DNAAF11: variants seen among roughly 807,000 people sequenced by gnomAD.
DNAAF11 encodes the protein dynein axonemal assembly factor 11, also known as leucine rich repeat containing 6.
DNAAF11 carries 45 observed loss-of-function variants against 60.8 expected under a neutral mutation model. That is an observed-to-expected ratio of 0.74 (90% confidence interval 0.58 to 0.95). The LOEUF (loss-of-function observed/expected upper bound fraction) is 0.95. Among genes scored for constraint, DNAAF11 ranks in the 40% least tolerant of loss-of-function variants. The pLI, the probability that DNAAF11 is intolerant of heterozygous loss-of-function variation, is 0.00. For missense variants in DNAAF11, 546 were observed against 546.2 expected (o/e 1.00, Z 0.00); for synonymous variants, 191 against 183.5 (o/e 1.04, Z -0.33).
chr8:132,581,093 C>A (rs963646021), intron 11 of DNAAF11, among the ~76,000 whole-genome samples: 17 of 152,058 alleles, frequency 1.1e-4, no homozygotes, highest in Non-Finnish European at 2.4e-4. Context: ...CAGTAGGGTG[C>A]CCACAATGGG....
At chr8:132,591,163 C>G (rs1031368514) in intron 10 of DNAAF11, among the ~76,000 whole-genome samples, 1 of 151,956 alleles carries the variant, frequency 6.6e-6, no homozygotes, top group African/African-American at 2.4e-5. Context: ...TAATTTTATT[C>G]CCAAAAAGAT....
At chr8:132,603,271 T>C (rs1175711626) in intron 10 of DNAAF11, among the ~76,000 whole-genome samples, 5 of 152,140 alleles carry the variant, frequency 3.3e-5, no homozygotes, top group Admixed American at 2.0e-4. Context: ...TATGAGAAGA[T>C]GGTAGTATGT....
intron 5 of DNAAF11, among the ~76,000 whole-genome samples, chr8:132,631,597 T>C (rs575209913): frequency 3.3e-4 from 50 of 152,196 alleles, no homozygotes; most frequent in Middle Eastern, 3.4e-3. Flanking sequence ...AAAATATGGA[T>C]GGGATCAACA....
intron 4 of DNAAF11, among the ~76,000 whole-genome samples, chr8:132,633,745 A>G (rs13273800): frequency 0.072 from 10,891 of 152,216 alleles, 465 homozygotes; most frequent in Non-Finnish European, 0.084. Context: ...TAAGTAAAAG[A>G]GAAAGACATG....
At chr8:132,617,256 A>G (rs934184055) in intron 7 of DNAAF11, among the ~76,000 whole-genome samples, 3 of 152,186 alleles carry the variant, frequency 2.0e-5, no homozygotes, top group Admixed American at 1.3e-4. Flanking sequence ...GCGAATGTGA[A>G]AAGGGAAGAC....
chr8:132,698,902 G>A, the DNAAF11 span, among the ~76,000 whole-genome samples: 2 of 147,442 alleles, frequency 1.4e-5, no homozygotes, highest in Admixed American at 1.3e-4. Context: ...TGAACATGGC[G>A]AACGCTGTTT....
At chr8:132,671,820 A>C (rs1586754178) in intron 1 of DNAAF11, among the ~76,000 whole-genome samples, 4 of 152,120 alleles carry the variant, frequency 2.6e-5, no homozygotes, top group East Asian at 1.9e-4. Context: ...TAAAAAAAAA[A>C]ACACACACAA....
intron 7 of DNAAF11, among the ~76,000 whole-genome samples, chr8:132,621,056 G>A (rs1000070609): frequency 2.0e-5 from 3 of 152,174 alleles, no homozygotes; most frequent in Admixed American, 6.5e-5. Flanking sequence ...CTGGGGTTGA[G>A]GGTTGACCAG....
chr8:132,629,203 T>C lies in DNAAF11; in HGVS notation c.653+3537A>G, dbSNP rs111421202. Among the ~76,000 whole-genome samples the C allele has an allele frequency of 3.7e-3, 558 of 152,246 alleles. 3 individuals carry two copies. Among genetic ancestry groups the C allele is most frequent in the African/African-American group, 0.013 (525 of 41,554 alleles). On this transcript the variant is annotated intron_variant, in intron 5 of 11. Coordinates refer to ENST00000620350, the MANE Select transcript of DNAAF11 (RefSeq NM_012472.6). ...TATAATGCATGTGATGATAAAAGCT[T>C]TTCATCAACTGAGAATAGAAGGAAG... is the stretch of plus-strand genomic sequence containing the variant.
the DNAAF11 span, among the ~76,000 whole-genome samples, chr8:132,688,505 A>G: frequency 1.3e-5 from 2 of 152,184 alleles, no homozygotes; most frequent in Admixed American, 6.6e-5. Flanking sequence ...TAATGACAGT[A>G]TTTGGTTCAC....
intron 11 of DNAAF11, among the ~76,000 whole-genome samples, chr8:132,581,522 C>T (rs1815324670): frequency 6.6e-6 from 1 of 151,850 alleles, no homozygotes; most frequent in African/African-American, 2.4e-5. Flanking sequence ...TGGTGGCAGG[C>T]ACCAGTAGTC....
intron 8 of DNAAF11, 68 bp downstream of exon 8, chr8:132,614,970 A>G: frequency 1.9e-6 from 2 of 1,045,044 alleles, no homozygotes; most frequent in Non-Finnish European, 2.9e-6. Context: ...TTTTCAAACT[A>G]AAAAATTACT....
rs772224728 is a variant in DNAAF11 at position 132,615,149 on chromosome 8, T to C, written c.915-52A>G. ...AAAGAGATGTCTTTAGGATACTGTATAGAAAACCCCATCATAAATTCATAA... is the reference window on the plus strand; with the variant it reads ...AAAGAGATGTCTTTAGGATACTGTACAGAAAACCCCATCATAAATTCATAA... On this transcript the variant is annotated intron_variant, in intron 7 of 11. Transcript: ENST00000620350. The C allele has an allele frequency of 7.7e-6, 8 of 1,037,542 alleles. No homozygotes were observed. The East Asian group carries it at 9.6e-5, about 12-fold the overall frequency. 64.3% of individuals were successfully genotyped at this position (1,037,542 alleles called of 1,614,324 possible).
At chr8:132,642,303 T>C (rs955641979) in intron 3 of DNAAF11, among the ~76,000 whole-genome samples, 1 of 152,248 alleles carries the variant, frequency 6.6e-6, no homozygotes, top group Non-Finnish European at 1.5e-5. Flanking sequence ...ATATCACAAT[T>C]ACTATCTTTA....
intron 10 of DNAAF11, among the ~76,000 whole-genome samples, chr8:132,586,509 T>G (rs1415306509): frequency 6.6e-6 from 1 of 152,214 alleles, no homozygotes; most frequent in Admixed American, 6.5e-5. Context: ...CCGGGATTCT[T>G]CTTCAGGTGT....
intron 4 of DNAAF11, among the ~76,000 whole-genome samples, chr8:132,636,460 T>A (rs1314967098): frequency 6.6e-6 from 1 of 152,142 alleles, no homozygotes; most frequent in Admixed American, 6.5e-5. Flanking sequence ...CTTCCTCATC[T>A]CTGAATGTAC....
intron 8 of DNAAF11, among the ~76,000 whole-genome samples, chr8:132,614,333 G>A (rs1007721616): frequency 6.6e-6 from 1 of 152,116 alleles, no homozygotes; most frequent in African/African-American, 2.4e-5. Context: ...ATGGTGCCAG[G>A]GGACACTGAG....
chr8:132,607,212 C>A (rs564106425), intron 10 of DNAAF11, among the ~76,000 whole-genome samples: 2 of 152,296 alleles, frequency 1.3e-5, no homozygotes, highest in South Asian at 4.1e-4. Flanking sequence ...CCAGAGTACA[C>A]CTCTTCTACT....
the DNAAF11 span, among the ~76,000 whole-genome samples, chr8:132,681,866 C>T: frequency 2.6e-5 from 4 of 152,260 alleles, no homozygotes; most frequent in Non-Finnish European, 4.4e-5. Flanking sequence ...TCCTACTCCA[C>T]CGTTGAGGGC....
Sources: allele counts gnomAD v4.1 joint callset (sites outside exome capture counted in the v4.1 genomes callset), GRCh38; gene constraint gnomAD v4.1.1; transcripts MANE v1.5; gene names NCBI Gene and HGNC (gene_info 2026-07-23, HGNC 2026-07-21).